ANKS1B: variants seen among roughly 807,000 people sequenced by gnomAD.
ANKS1B encodes ankyrin repeat and sterile alpha motif domain containing 1B, also known as ankyrin repeat and sterile alpha motif domain-containing protein 1B.
Under a neutral mutation model 148.3 loss-of-function variants are expected in ANKS1B, and 36 were observed. That is an observed-to-expected ratio of 0.24 (90% CI 0.19 to 0.32). The LOEUF (loss-of-function observed/expected upper bound fraction) is 0.32, where lower values mean the gene tolerates loss of function less well. Among genes scored for constraint, ANKS1B ranks in the 10% least tolerant of loss-of-function variants. The probability of loss-of-function intolerance (pLI) is 1.00; values close to 1 mark genes in which losing one functional copy is unlikely to be tolerated. For synonymous variants in ANKS1B, 542 were observed against 560.8 expected, an observed-to-expected ratio of 0.97 and a Z score of 0.47; for missense variants, 1,157 against 1,542.6, an observed-to-expected ratio of 0.75 and a Z score of 4.19.
Position 99,026,637 on chromosome 12 carries a change from A to G in ANKS1B, c.2778+26520T>C, listed in dbSNP as rs2153451707. Among the ~76,000 whole-genome samples the G allele has an allele frequency of 2.0e-5, 3 of 151,972 alleles. No homozygotes were observed. The South Asian group carries it at 6.2e-4, about 32-fold the overall frequency. ...ATTAAAAATTAAAAAAAAAAAATCT[A>G]GATTTTTCAGATGTTTTTAGTTGAC... is the stretch of plus-strand genomic sequence containing the variant. On this transcript the variant is annotated intron_variant, in intron 17 of 26. Coordinates refer to ENST00000683438, the MANE Select transcript of ANKS1B (RefSeq NM_001352186.2).
At position 99,246,711 on chromosome 12, in the gene ANKS1B, T is replaced by C. The variant is rs767238148; in HGVS notation, c.1910A>G (p.Asp637Gly). 6.2e-7 allele frequency: 1 copy of C among 1,613,980 alleles called. No homozygotes were observed. Reference sequence around the variant, plus strand: ...AGGACTGTTTGCCAAACTGACTTCATCTTGTCCTTTTTCACATTGTTCTCT... The same window carrying C: ...AGGACTGTTTGCCAAACTGACTTCACCTTGTCCTTTTTCACATTGTTCTCT... ...GKREQCEKGQ[D>G]EVSLANSPLP... The change falls in exon 13 of 27, where the codon GAT becomes GGT. Residue 637 changes from aspartate to glycine, a missense_variant. Asp to Gly is a moderately conservative substitution (Grantham distance 94, BLOSUM62 -1). Transcript: ENST00000683438.
intron 21 of ANKS1B, among the ~76,000 whole-genome samples, chr12:98,800,104 G>C (rs949225444): frequency 6.6e-6 from 1 of 151,770 alleles, no homozygotes; most frequent in African/African-American, 2.4e-5. Flanking sequence ...GGGGACTTGG[G>C]GTTTGGAGGG....
chr12:99,870,461 G>C (rs886470138), intron 1 of ANKS1B, among the ~76,000 whole-genome samples: 5 of 152,166 alleles, frequency 3.3e-5, no homozygotes, highest in African/African-American at 1.2e-4. Flanking sequence ...ACCCAGTAAT[G>C]TGATTGTTGA....
intron 14 of ANKS1B, among the ~76,000 whole-genome samples, chr12:99,169,081 T>TC (rs1477209604): frequency 2.7e-4 from 41 of 152,216 alleles, no homozygotes; most frequent in African/African-American, 8.7e-4. Context: ...TTCACTGATT[T>TC]CTTCAATAAA....
At chr12:99,930,320 A>C (rs1223986720) in intron 1 of ANKS1B, among the ~76,000 whole-genome samples, 2 of 152,044 alleles carry the variant, frequency 1.3e-5, no homozygotes, top group East Asian at 1.9e-4. Context: ...GGTGTATAAG[A>C]ATGCTTGTGA....
At chr12:99,492,510 T>C (rs75719135) in intron 10 of ANKS1B, among the ~76,000 whole-genome samples, 6,036 of 152,208 alleles carry the variant, frequency 0.04, 167 homozygotes, top group South Asian at 0.09. Flanking sequence ...TGAAACTATT[T>C]CAAAAAATTG....
At chr12:99,464,582 C>T (rs546120552) in intron 10 of ANKS1B, among the ~76,000 whole-genome samples, 12 of 152,170 alleles carry the variant, frequency 7.9e-5, no homozygotes, top group African/African-American at 1.9e-4. Context: ...ATAACCAATA[C>T]AGAGAAGTGC....
intron 14 of ANKS1B, among the ~76,000 whole-genome samples, chr12:99,178,171 A>T (rs1290462002): frequency 6.6e-6 from 1 of 152,200 alleles, no homozygotes; most frequent in African/African-American, 2.4e-5. Flanking sequence ...GATGCTTCAC[A>T]CATTCACCAA....
At chr12:99,632,401 C>T (rs2098170097) in intron 9 of ANKS1B, among the ~76,000 whole-genome samples, 1 of 151,938 alleles carries the variant, frequency 6.6e-6, no homozygotes, top group Non-Finnish European at 1.5e-5. Flanking sequence ...GGGGTTGGAG[C>T]TGCTGCAGAG....
intron 12 of ANKS1B, among the ~76,000 whole-genome samples, chr12:99,274,564 G>A (rs905215188): frequency 2.0e-5 from 3 of 152,074 alleles, no homozygotes; most frequent in Non-Finnish European, 2.9e-5. Context: ...TCTACCCAGC[G>A]CTTCTGCTAA....
At chr12:98,969,841 C>G (rs1295168757) in intron 17 of ANKS1B, among the ~76,000 whole-genome samples, 3 of 152,236 alleles carry the variant, frequency 2.0e-5, no homozygotes, top group Admixed American at 6.5e-5. Flanking sequence ...ACTGAGGCTA[C>G]TCCACGACCC....
chr12:99,286,968 G>T (rs2079208620), intron 12 of ANKS1B, among the ~76,000 whole-genome samples: 1 of 152,160 alleles, frequency 6.6e-6, no homozygotes, highest in African/African-American at 2.4e-5. Context: ...CTGGGCCAGG[G>T]GGGAGCTCAC....
At chr12:99,076,275 T>C (rs905788325) in intron 16 of ANKS1B, among the ~76,000 whole-genome samples, 2 of 152,094 alleles carry the variant, frequency 1.3e-5, no homozygotes, top group African/African-American at 4.8e-5. Flanking sequence ...GCAGAAGCTA[T>C]GCAGGCAAAT....
chr12:98,773,312 T>C (rs1264339035), intron 24 of ANKS1B, 133 bp from the exon 25 acceptor site: 4 of 983,230 alleles, frequency 4.1e-6, no homozygotes, highest in African/African-American at 1.7e-5. Context: ...CTCAAAGTGG[T>C]CCACTATATT....
chr12:99,324,226 C>A (rs1280416397), intron 12 of ANKS1B, among the ~76,000 whole-genome samples: 1 of 152,106 alleles, frequency 6.6e-6, no homozygotes, highest in Non-Finnish European at 1.5e-5. Context: ...TGCTGGGTGC[C>A]ATGTGCTGTT....
chr12:99,713,275 A>G (rs1024520072), intron 8 of ANKS1B, among the ~76,000 whole-genome samples: 30 of 152,198 alleles, frequency 2.0e-4, no homozygotes, highest in African/African-American at 7.2e-4. Flanking sequence ...AGGCACAAGC[A>G]AAAGACTGCT....
chr12:99,953,650 A>G (rs1339437519), intron 1 of ANKS1B, among the ~76,000 whole-genome samples: 2 of 152,302 alleles, frequency 1.3e-5, no homozygotes, highest in East Asian at 3.9e-4. Flanking sequence ...AAGAATGTAA[A>G]TGCAAAGATG....
intron 9 of ANKS1B, among the ~76,000 whole-genome samples, chr12:99,534,529 T>C (rs2097041613): frequency 6.6e-6 from 1 of 152,166 alleles, no homozygotes; most frequent in Non-Finnish European, 1.5e-5. Flanking sequence ...TTAATTAATA[T>C]ACATTCGAGG....
chr12:98,747,722 C>T (rs1267030898), intron 26 of ANKS1B, among the ~76,000 whole-genome samples: 4 of 152,062 alleles, frequency 2.6e-5, no homozygotes, highest in African/African-American at 4.8e-5. Context: ...CATCAATGGA[C>T]GAATGGGTAA....
Sources: allele counts gnomAD v4.1 joint callset (sites outside exome capture counted in the v4.1 genomes callset), GRCh38; gene constraint gnomAD v4.1.1; transcripts MANE v1.5; gene names NCBI Gene and HGNC (gene_info 2026-07-23, HGNC 2026-07-21).